The following SRBD1 variants were observed in gnomAD, a reference collection of about 807,000 sequenced individuals.
The protein encoded by SRBD1 is S1 RNA-binding domain-containing protein 1.
Under a neutral mutation model 115.3 loss-of-function variants are expected in SRBD1, and 88 were observed. That is an observed-to-expected ratio of 0.76 (90% confidence interval 0.64 to 0.91). The LOEUF (loss-of-function observed/expected upper bound fraction) is 0.91, where lower values mean the gene tolerates loss of function less well. Ranked by LOEUF, SRBD1 falls within the 40% of genes least tolerant of loss-of-function variation. SRBD1 has a pLI of 0.00. For missense variants in SRBD1, 1,385 were observed against 1,177.4 expected, an observed-to-expected ratio of 1.18 and a Z score of -2.58; for synonymous variants, 509 against 407.7, an observed-to-expected ratio of 1.25 and a Z score of -2.99.
At chr2:45,522,964 C>T (rs768186463) in intron 14 of SRBD1, among the ~76,000 whole-genome samples, 9 of 152,038 alleles carry the variant, frequency 5.9e-5, no homozygotes, top group East Asian at 3.9e-4. Flanking sequence ...GGGTCAACAT[C>T]CCAACCTCCA....
rs1291723697 is a variant in SRBD1, at chr2:45,419,782, T to C, written c.2156+6A>G. ...TCTGTGATCTTCAGCCACATATTTG[T>C]CTCACCTTAACAAAACTTCTGAACA... On this transcript the variant is annotated splice_donor_region_variant and intron_variant, in intron 17 of 20. Transcript: ENST00000263736. 2 of 1,612,774 alleles carry C rather than the reference T, an allele frequency of 1.2e-6. No individual in the cohort carries two copies. Among genetic ancestry groups the C allele is most frequent in the East Asian group, 2.2e-5 (1 of 44,850 alleles).
chr2:45,413,831 C>T (rs1350090715), intron 18 of SRBD1, among the ~76,000 whole-genome samples: 1 of 152,014 alleles, frequency 6.6e-6, no homozygotes, highest in Non-Finnish European at 1.5e-5. Context: ...ACTTGGGAGG[C>T]TGAGGCAGGA....
chr2:45,526,561 A>G (rs1445591033), intron 14 of SRBD1, among the ~76,000 whole-genome samples: 1 of 152,014 alleles, frequency 6.6e-6, no homozygotes, highest in Non-Finnish European at 1.5e-5. Context: ...CTGTGAATAT[A>G]TTAAAAATCG....
At position 45,481,400 on chromosome 2, in the gene SRBD1, AGGGAGTCTAATGAATT is replaced by A. The variant is rs1410161742; in HGVS notation, c.1967-4341_1967-4326del. ...AGTAAGAGGGAGGTAGCTCAGGAAAAGGGAGTCTAATGAATTGCTGATAAAGAGAATTAAGAGAGAG... is the reference window on the plus strand; with the variant it reads ...AGTAAGAGGGAGGTAGCTCAGGAAAAGCTGATAAAGAGAATTAAGAGAGAG... On this transcript the variant is annotated intron_variant, in intron 15 of 20. Coordinates refer to ENST00000263736, the MANE Select transcript of SRBD1 (RefSeq NM_018079.5). 1.4e-4 allele frequency among the ~76,000 whole-genome samples: 21 copies of A among 152,222 alleles called. No individual in the cohort carries two copies. The East Asian group carries it at 3.5e-3, about 25-fold the overall frequency.
At chr2:45,551,505 C>CTACAT (rs994112269) in intron 11 of SRBD1, among the ~76,000 whole-genome samples, 40 of 152,208 alleles carry the variant, frequency 2.6e-4, no homozygotes, top group African/African-American at 9.4e-4. Context: ...TTTATCATAC[C>CTACAT]TACATTACCT....
intron 1 of SRBD1, among the ~76,000 whole-genome samples, chr2:45,606,157 C>CTTTTTT (rs71394845): frequency 8.6e-6 from 1 of 116,740 alleles, no homozygotes; most frequent in Non-Finnish European, 1.8e-5. Flanking sequence ...TTTTCCTATT[C>CTTTTTT]TTTTTTTTTT....
intron 5 of SRBD1, among the ~76,000 whole-genome samples, chr2:45,585,331 A>G (rs990185427): frequency 1.3e-5 from 2 of 152,190 alleles, no homozygotes; most frequent in East Asian, 1.9e-4. Context: ...TTTTGCCATT[A>G]TGCCCAACCT....
chr2:45,432,838 G>C (rs1290938361), intron 16 of SRBD1, among the ~76,000 whole-genome samples: 2 of 152,142 alleles, frequency 1.3e-5, no homozygotes, highest in Non-Finnish European at 2.9e-5. Flanking sequence ...ATTTATGCTA[G>C]TCAGCTTTTG....
intron 14 of SRBD1, among the ~76,000 whole-genome samples, chr2:45,505,478 A>G (rs561504567): frequency 6.6e-6 from 1 of 152,228 alleles, no homozygotes; most frequent in African/African-American, 2.4e-5. Flanking sequence ...AAGGGAAAAT[A>G]GCTGAGCACA....
intron 19 of SRBD1, among the ~76,000 whole-genome samples, chr2:45,406,939 T>G (rs1572601637): frequency 6.6e-6 from 1 of 152,218 alleles, no homozygotes; most frequent in East Asian, 1.9e-4. Flanking sequence ...TGCAGAATAA[T>G]ACATAGAGTC....
chr2:45,497,732 A>AT (rs35690530), intron 14 of SRBD1, among the ~76,000 whole-genome samples: 74,980 of 150,176 alleles, frequency 0.5, 20,002 homozygotes, highest in Non-Finnish European at 0.62. Context: ...ATTTCATATA[A>AT]TTTTTTTTTT....
chr2:45,560,977 T>G (rs1021580627), intron 10 of SRBD1, among the ~76,000 whole-genome samples: 1 of 150,960 alleles, frequency 6.6e-6, no homozygotes, highest in African/African-American at 2.4e-5. Flanking sequence ...GCCAGCGGTA[T>G]GCACCTATGG....
chr2:45,438,835 C>G (rs1668577042), intron 16 of SRBD1, among the ~76,000 whole-genome samples: 1 of 151,904 alleles, frequency 6.6e-6, no homozygotes, highest in South Asian at 2.1e-4. Flanking sequence ...CAAAACTTTC[C>G]CCAATTTTTT....
chr2:45,414,718 A>ATACACACACACAGTGTGTACATAGTATG (rs1667732454), intron 18 of SRBD1, among the ~76,000 whole-genome samples: 1 of 105,864 alleles, frequency 9.4e-6, no homozygotes, highest in African/African-American at 3.4e-5. Context: ...TAGTATGTAT[A>ATACACACACACAGTGTGTACATAGTATG]TACACACACA....
In SRBD1 at chr2:45,581,771, A is replaced by T. The variant is rs1673372595; in HGVS notation, c.855T>A (p.Ile285=). 6.2e-7 allele frequency: 1 copy of T among 1,613,548 alleles called. No homozygotes were observed. Among genetic ancestry groups the T allele is most frequent in the African/African-American group, 1.3e-5 (1 of 75,006 alleles). The change falls in exon 6 of 21, where the codon ATT becomes ATA. Residue 285 remains isoleucine (I), a synonymous_variant. Transcript: ENST00000263736. The stretch of plus-strand genomic sequence containing the variant: ...ACTCAGACATCTTCCCTTCCTTCTT[A>T]ATTTTCTGGATTGTACTATGAACTT... ...AKKVHSTIQK[I]KKEGKMSECL...
intron 10 of SRBD1, among the ~76,000 whole-genome samples, chr2:45,555,488 C>CT (rs35646522): frequency 0.16 from 19,703 of 121,368 alleles, 2,245 homozygotes; most frequent in African/African-American, 0.22. Context: ...TCATTAAACC[C>CT]TTTTTTTTTT....
chr2:45,583,154 T>C (rs1371855027), intron 5 of SRBD1, among the ~76,000 whole-genome samples: 1 of 151,732 alleles, frequency 6.6e-6, no homozygotes, highest in Non-Finnish European at 1.5e-5. Flanking sequence ...AAGTTAGAGA[T>C]GATAATATGA....
chr2:45,557,266 A>G (rs1268137181), intron 10 of SRBD1, among the ~76,000 whole-genome samples: 4 of 152,186 alleles, frequency 2.6e-5, no homozygotes, highest in Non-Finnish European at 5.9e-5. Context: ...ATAGTCCTGA[A>G]TCATGCAACA....
intron 19 of SRBD1, among the ~76,000 whole-genome samples, chr2:45,399,591 A>G (rs1667238817): frequency 1.3e-5 from 2 of 152,082 alleles, no homozygotes; most frequent in Admixed American, 1.3e-4. Context: ...GTTATAACAG[A>G]TTACATCTTC....
Sources: allele counts gnomAD v4.1 joint callset (sites outside exome capture counted in the v4.1 genomes callset), GRCh38; gene constraint gnomAD v4.1.1; transcripts MANE v1.5; gene names NCBI Gene and HGNC (gene_info 2026-07-23, HGNC 2026-07-21).